BAG5: variants seen among roughly 807,000 people sequenced by gnomAD.
BAG5 encodes the protein BAG family molecular chaperone regulator 5.
In BAG5, 25 loss-of-function variants were observed where a neutral mutation model predicts 31.8. The observed-to-expected ratio is 0.79, with a 90% CI of 0.57 to 1.10. The LOEUF is 1.10. Among genes scored for constraint, BAG5 ranks in the 50% least tolerant of loss-of-function variants. The probability of loss-of-function intolerance (pLI) is 0.00; values close to 1 mark genes in which losing one functional copy is unlikely to be tolerated. For missense variants in BAG5, 491 were observed against 527.9 expected, an observed-to-expected ratio of 0.93 and a Z score of 0.68; for synonymous variants, 208 against 205.0, an observed-to-expected ratio of 1.01 and a Z score of -0.13.
At position 103,561,001 on chromosome 14, in the gene BAG5, G is replaced by C. The variant is rs1385175802; in HGVS notation, c.164C>G (p.Ser55Cys). The C allele has an allele frequency of 1.2e-6, 2 of 1,613,890 alleles. No individual in the cohort carries two copies. The highest frequency in any genetic ancestry group is 1.7e-6 in the Non-Finnish European group (2 of 1,179,826). Residue 55 changes from serine to cysteine, a missense_variant, in exon 2 of 2, where the codon TCT (serine) becomes TGT (cysteine). Physicochemically the swap from Ser to Cys is moderately radical, Grantham distance 112. Transcript: ENST00000299204. ...ATCTCCTTTTCCTTCAGTATCTACA[G>C]AGTCTATTTCAAAAAGCTGTTTTGT... is the stretch of plus-strand genomic sequence containing the variant. ...ILTKQLFEIDSVDTEGKGDIQ... is the reference protein window; with the variant it reads ...ILTKQLFEIDCVDTEGKGDIQ...
chr14:103,561,329 A>G (rs1321136545), intron 1 of BAG5, 137 bp from the exon 2 acceptor site: 5 of 861,264 alleles, frequency 5.8e-6, no homozygotes, highest in African/African-American at 5.1e-5. Flanking sequence ...CCTCCCCAGT[A>G]GCTGGGTCTA....
rs2076042076 is a variant in BAG5 at position 103,556,861 on chromosome 14, A to G, written c.*2960T>C. On this transcript the variant is annotated 3_prime_UTR_variant, in exon 2 of 2. Transcript: ENST00000299204. ...CTAAGCTCAGACCCTTAAAAACCAG[A>G]TAGAAATTGACAAAGTCAAACAAAG... The G allele has an allele frequency of 6.6e-6, 1 of 152,256 alleles. No homozygotes were observed. The highest frequency in any genetic ancestry group is 2.4e-5 in the African/African-American group (1 of 41,472). 9.4% of individuals were successfully genotyped at this position (152,256 alleles called of 1,614,324 possible). A position where few individuals can be genotyped will look rare whatever the true frequency, so the allele number is the denominator to read the frequency against.
Position 103,560,914 on chromosome 14 carries a change from T to G in BAG5, c.251A>C (p.Gln84Pro). 6.2e-7 allele frequency: 1 copy of G among 1,614,196 alleles called. No homozygotes were observed. The highest frequency in any genetic ancestry group is 8.5e-7 in the Non-Finnish European group (1 of 1,180,052). ...AATCCGGTGTGGGTGGTTTGCATTC[T>G]GCTCCAACTCTTTGAGAAGACGTTC... Reference protein sequence around the residue: ...ETERLLKELEQNANHPHRIEI... With the variant: ...ETERLLKELEPNANHPHRIEI... The change falls in exon 2 of 2, where the codon CAG becomes CCG. Residue 84 changes from glutamine to proline, a missense_variant. Physicochemically the swap from Gln to Pro is moderately conservative, Grantham distance 76. Transcript: ENST00000299204.
At chr14:103,562,343 G>C in intron 1 of BAG5, 1 of 306,826 alleles carries the variant, frequency 3.3e-6, no homozygotes, top group Non-Finnish European at 6.2e-6. Context: ...CAATGGGCGC[G>C]CGAGGGGAGC....
chr14:103,561,383 G>A (rs758012633), intron 1 of BAG5, among the ~76,000 whole-genome samples, 191 bp from the exon 2 acceptor site: 1 of 152,138 alleles, frequency 6.6e-6, no homozygotes, highest in Non-Finnish European at 1.5e-5. Context: ...TTTTAGTAGA[G>A]ACAGGTCTCA....
intron 1 of BAG5, chr14:103,562,250 G>C (rs1479160157): frequency 3.9e-5 from 20 of 513,414 alleles, no homozygotes; most frequent in Middle Eastern, 5.2e-4. Flanking sequence ...GGGGCAGCCG[G>C]TGAAGGGGCC....
Position 103,557,367 on chromosome 14 carries a change from C to T in BAG5, c.*2454G>A, listed in dbSNP as rs7693. ...ACAAGGAACGAGAACAGATTGAAAC[C>T]AGAAACAAAGCCATGCCTGACAGTC... On this transcript the variant is annotated 3_prime_UTR_variant, in exon 2 of 2. Transcript: ENST00000299204. 0.26 allele frequency: 39,457 copies of T among 152,098 alleles called. 6,276 individuals are homozygous for T. Among genetic ancestry groups the T allele is most frequent in the Middle Eastern group, 0.41 (122 of 294 alleles). 9.4% of individuals were successfully genotyped at this position (152,098 alleles called of 1,614,324 possible). A position where few individuals can be genotyped will look rare whatever the true frequency, so the allele number is the denominator to read the frequency against.
chr14:103,559,748 GAACTGA>G lies in BAG5; in HGVS notation c.*67_*72del. 6.7e-7 allele frequency: 1 copy of G among 1,501,608 alleles called. No homozygotes were observed. The highest frequency in any genetic ancestry group is 8.9e-7 in the Non-Finnish European group (1 of 1,120,156). 93.0% of individuals were successfully genotyped at this position (1,501,608 alleles called of 1,614,324 possible). On this transcript the variant is annotated 3_prime_UTR_variant, in exon 2 of 2. Transcript: ENST00000299204. ...CTGAAATATGCACGTATAAATCAAT[GAACTGA>G]AAGCTCTCTATACATAGAAGCACAT...
chr14:103,560,838 A>G lies in BAG5; in HGVS notation c.327T>C (p.Ile109=), dbSNP rs2076067242. The G allele has an allele frequency of 6.2e-7, 1 of 1,613,960 alleles. No individual in the cohort carries two copies. ...EEAQSLVREK[I]VPFYNGGNCV... ...AGTTGCCTCCATTATAAAATGGCAC[A>G]ATTTTCTCTCTCACGAGGGACTGGG... Residue 109 remains isoleucine (I), a synonymous_variant, in exon 2 of 2, where the codon ATT becomes ATC. Transcript: ENST00000299204.
At chr14:103,562,267 G>A (rs1458196652) in intron 1 of BAG5, 2 of 469,372 alleles carry the variant, frequency 4.3e-6, no homozygotes, top group East Asian at 7.8e-5. Context: ...GGCCGCTACT[G>A]GCTGCAGCAG....
chr14:103,561,048 G>C lies in BAG5; in HGVS notation c.117C>G (p.Tyr39Ter). Residue 39 changes from tyrosine to a stop codon, truncating the protein, a stop_gained, in exon 2 of 2, where the codon TAC becomes TAG. Transcript: ENST00000299204. LOFTEE classifies it high-confidence loss of function. The stretch of plus-strand genomic sequence containing the variant: ...TTGTTAGAATCCTCTCCAGTTTCTT[G>C]TAATTCTTGTCATCTGACAGACCAC... ...GFSGLSDDKN[Y>*]KKLERILTKQ... is the part of the protein sequence containing the mutation. The C allele has an allele frequency of 6.2e-7, 1 of 1,613,166 alleles. No homozygotes were observed. Among genetic ancestry groups the C allele is most frequent in the Non-Finnish European group, 8.5e-7 (1 of 1,180,026 alleles).
At position 103,561,087 on chromosome 14, in the gene BAG5, T is replaced by G. The variant is rs1469207437; in HGVS notation, c.78A>C (p.Gln26His). 1.2e-6 allele frequency: 2 copies of G among 1,609,252 alleles called. No individual in the cohort carries two copies. The highest frequency in any genetic ancestry group is 4.5e-5 in the East Asian group (2 of 44,900). Residue 26 changes from glutamine (Q) to histidine (H), a missense_variant, in exon 2 of 2, where the codon CAA becomes CAC. Gln to His is a conservative substitution (Grantham distance 24). Coordinates refer to ENST00000299204, the MANE Select transcript of BAG5 (RefSeq NM_001015048.3). ...CTGACAGACCACTGAAGCCGATAACTTGCTGTTCTACACTTTTTACTTCCT... is the reference window on the plus strand; with the variant it reads ...CTGACAGACCACTGAAGCCGATAACGTGCTGTTCTACACTTTTTACTTCCT... ...IQKEVKSVEQ[Q>H]VIGFSGLSDD...
At chr14:103,562,588 A>C in intron 1 of BAG5, 28 bp downstream of exon 1, 1 of 164,386 alleles carries the variant, frequency 6.1e-6, no homozygotes. Flanking sequence ...CGAGAGAGGG[A>C]AAAGGCTACA....
Position 103,561,007 on chromosome 14 carries a change from A to G in BAG5, c.158T>C (p.Ile53Thr), listed in dbSNP as rs2076068896. Residue 53 changes from isoleucine to threonine, a missense_variant, in exon 2 of 2, where the codon ATA becomes ACA. Transcript: ENST00000299204. ...TTTTCCTTCAGTATCTACAGAGTCT[A>G]TTTCAAAAAGCTGTTTTGTTAGAAT... is the stretch of plus-strand genomic sequence containing the variant. Reference protein sequence around the residue: ...ERILTKQLFEIDSVDTEGKGD... With the variant: ...ERILTKQLFETDSVDTEGKGD... The G allele has an allele frequency of 1.2e-6, 2 of 1,614,038 alleles. No homozygotes were observed. Among genetic ancestry groups the G allele is most frequent in the Non-Finnish European group, 1.7e-6 (2 of 1,180,034 alleles).
chr14:103,562,243 G>A (rs765915593), intron 1 of BAG5: 30 of 528,438 alleles, frequency 5.7e-5, no homozygotes, highest in Non-Finnish European at 9.5e-5. Context: ...TCTGAGCGGG[G>A]CAGCCGGTGA....
Position 103,557,278 on chromosome 14 carries a change from C to T in BAG5, c.*2543G>A, listed in dbSNP as rs140487109. 2.6e-5 allele frequency: 4 copies of T among 152,320 alleles called. No homozygotes were observed. Among genetic ancestry groups the T allele is most frequent in the East Asian group, 1.9e-4 (1 of 5,190 alleles). 9.4% of individuals were successfully genotyped at this position (152,320 alleles called of 1,614,324 possible). ...TCATATTAACACAAACAGCTCCCCACGAAGGCCGACAAGAGCTAAATCCGG... is the reference window on the plus strand; with the variant it reads ...TCATATTAACACAAACAGCTCCCCATGAAGGCCGACAAGAGCTAAATCCGG... On this transcript the variant is annotated 3_prime_UTR_variant, in exon 2 of 2. Coordinates refer to ENST00000299204, the MANE Select transcript of BAG5 (RefSeq NM_001015048.3).
intron 1 of BAG5, chr14:103,561,911 G>A (rs1462848729): frequency 6.3e-7 from 1 of 1,598,434 alleles, no homozygotes; most frequent in African/African-American, 1.3e-5. Context: ...TCATTCACTC[G>A]CCTCCCACTG....
chr14:103,558,640 A>G lies in BAG5; in HGVS notation c.*1181T>C, dbSNP rs1267123444. On this transcript the variant is annotated 3_prime_UTR_variant, in exon 2 of 2. Transcript: ENST00000299204. ...TTTCAGGCAACAGAGAAACCACCAC[A>G]TGCCCATGACATGAGCTCAGTTGTT... 10 of 151,980 alleles carry G rather than the reference A, an allele frequency of 6.6e-5. No homozygotes were observed. The highest frequency in any genetic ancestry group is 1.2e-4 in the African/African-American group (5 of 41,432). 9.4% of individuals were successfully genotyped at this position (151,980 alleles called of 1,614,324 possible). A position where few individuals can be genotyped will look rare whatever the true frequency, so the allele number is the denominator to read the frequency against.
chr14:103,561,221 T>C (rs371829112), intron 1 of BAG5, 29 bp from the exon 2 acceptor site: 127 of 1,551,034 alleles, frequency 8.2e-5, no homozygotes, highest in Non-Finnish European at 1.0e-4. Flanking sequence ...GATAACTTAC[T>C]ACAGCACAAG....
Sources: gnomAD v4.1 joint callset for allele counts (sites outside exome capture counted in the v4.1 genomes callset) on GRCh38, gnomAD v4.1.1 for gene constraint, MANE v1.5 for transcripts, NCBI Gene and HGNC (gene_info 2026-07-23, HGNC 2026-07-21) for gene names.